MYO16: variants seen among roughly 807,000 people sequenced by gnomAD.
The protein encoded by MYO16 is myosin XVI.
Under a neutral mutation model 205.3 loss-of-function variants are expected in MYO16, and 94 were observed. The ratio of observed to expected loss-of-function variants is 0.46; its 90% CI spans 0.39 to 0.54. The LOEUF (loss-of-function observed/expected upper bound fraction) is 0.54. Ranked by LOEUF, MYO16 falls within the 20% of genes least tolerant of loss-of-function variation. The pLI is 0.00. For synonymous variants in MYO16, 988 were observed against 954.0 expected (o/e 1.04, Z -0.66); for missense variants, 2,315 against 2,387.5 (o/e 0.97, Z 0.63).
the MYO16 span, among the ~76,000 whole-genome samples, chr13:108,543,894 C>T: frequency 6.7e-6 from 1 of 149,936 alleles, no homozygotes; most frequent in Non-Finnish European, 1.5e-5. Context: ...GGAGAAACCC[C>T]CTCTCTACTA....
chr13:108,597,566 C>T (rs1475413607), intron 1 of MYO16, among the ~76,000 whole-genome samples: 1 of 152,130 alleles, frequency 6.6e-6, no homozygotes, highest in Non-Finnish European at 1.5e-5. Context: ...TTGGTAACTT[C>T]AAAAACCCTT....
chr13:108,579,903 A>G, the MYO16 span, among the ~76,000 whole-genome samples: 1 of 152,160 alleles, frequency 6.6e-6, no homozygotes, highest in Non-Finnish European at 1.5e-5. Context: ...TATTACAATG[A>G]CTGCTATTTG....
At chr13:108,948,536 C>CTG (rs1883023504) in intron 16 of MYO16, among the ~76,000 whole-genome samples, 2 of 152,222 alleles carry the variant, frequency 1.3e-5, no homozygotes, top group Admixed American at 6.5e-5. Flanking sequence ...CACCTGCACC[C>CTG]TGGAGACACA....
intron 1 of MYO16, among the ~76,000 whole-genome samples, chr13:108,602,941 GA>G (rs1463516421): frequency 6.6e-6 from 1 of 152,146 alleles, no homozygotes; most frequent in Admixed American, 6.5e-5. Context: ...CATTCCTGGA[GA>G]AAGAACCTGG....
chr13:108,673,191 A>T (rs941610752), intron 2 of MYO16, among the ~76,000 whole-genome samples: 5 of 152,236 alleles, frequency 3.3e-5, no homozygotes, highest in African/African-American at 1.2e-4. Context: ...AGTTAGAGAA[A>T]CTTATCTTCA....
chr13:108,597,419 T>G (rs192134235), intron 1 of MYO16, among the ~76,000 whole-genome samples: 1 of 152,204 alleles, frequency 6.6e-6, no homozygotes, highest in East Asian at 1.9e-4. Flanking sequence ...GTCTGAAATT[T>G]TTTTTAGATG....
In MYO16 at chr13:109,051,207, A is replaced by G. The variant is rs530391430; in HGVS notation, c.2873-1093A>G. On this transcript the variant is annotated intron_variant, in intron 24 of 34. Coordinates refer to ENST00000457511, the MANE Select transcript of MYO16 (RefSeq NM_001198950.3). The stretch of plus-strand genomic sequence containing the variant: ...GGCCCCTTTTGCATTGCATAATTGT[A>G]TCTCCTTTTCCTGACAGTTCTTCCT... Among the ~76,000 whole-genome samples the G allele has an allele frequency of 2.0e-5, 3 of 152,206 alleles. No individual in the cohort carries two copies. The East Asian group carries it at 5.8e-4, about 29-fold the overall frequency.
At chr13:108,672,695 C>G (rs1882042207) in intron 2 of MYO16, among the ~76,000 whole-genome samples, 1 of 151,974 alleles carries the variant, frequency 6.6e-6, no homozygotes, top group Admixed American at 6.6e-5. Context: ...GGAAAACTGT[C>G]CTAAATTTTC....
chr13:108,828,140 A>G (rs1244445676), intron 9 of MYO16, among the ~76,000 whole-genome samples: 2 of 152,194 alleles, frequency 1.3e-5, no homozygotes, highest in Admixed American at 1.3e-4. Context: ...CTGTTACTTA[A>G]CCATTTGATA....
chr13:108,961,081 G>A (rs756102918), intron 17 of MYO16, among the ~76,000 whole-genome samples: 19 of 152,082 alleles, frequency 1.2e-4, no homozygotes, highest in Non-Finnish European at 2.5e-4. Flanking sequence ...GAGAGATAGC[G>A]AAGAAATGAA....
At chr13:108,667,254 AT>A (rs1316317707) in intron 2 of MYO16, among the ~76,000 whole-genome samples, 2 of 147,500 alleles carry the variant, frequency 1.4e-5, no homozygotes, top group Non-Finnish European at 3.0e-5. Flanking sequence ...GACTCAAGTC[AT>A]TTTTTTCATG....
chr13:109,117,171 A>G (rs1875733366), intron 28 of MYO16, among the ~76,000 whole-genome samples: 1 of 151,696 alleles, frequency 6.6e-6, no homozygotes, highest in Non-Finnish European at 1.5e-5. Context: ...TTAAGTTTTC[A>G]TTTGTCATCT....
chr13:108,984,732 A>G (rs1378975737), intron 20 of MYO16, among the ~76,000 whole-genome samples: 1 of 152,090 alleles, frequency 6.6e-6, no homozygotes, highest in Non-Finnish European at 1.5e-5. Context: ...CTGACTCACC[A>G]TCTTCTCTGT....
the MYO16 span, among the ~76,000 whole-genome samples, chr13:108,526,005 C>T: frequency 6.7e-6 from 1 of 149,894 alleles, no homozygotes; most frequent in Non-Finnish European, 1.5e-5. Context: ...CTGGTGAATG[C>T]AGAATTAATT....
chr13:108,521,819 G>A, the MYO16 span, among the ~76,000 whole-genome samples: 1 of 152,158 alleles, frequency 6.6e-6, no homozygotes, highest in Non-Finnish European at 1.5e-5. Context: ...GAGCATTAGA[G>A]ATTTCAGAAA....
At chr13:109,136,875 T>C (rs563299596) in intron 31 of MYO16, among the ~76,000 whole-genome samples, 2 of 152,248 alleles carry the variant, frequency 1.3e-5, no homozygotes, top group African/African-American at 4.8e-5. Flanking sequence ...CAGGTACCAA[T>C]GTTTTTATGA....
intron 2 of MYO16, among the ~76,000 whole-genome samples, chr13:108,691,736 T>C (rs1382016581): frequency 6.6e-6 from 1 of 152,224 alleles, no homozygotes; most frequent in African/African-American, 2.4e-5. Context: ...TCAGTAATAC[T>C]TGTCACTTTC....
chr13:108,873,591 G>A (rs1466797527), intron 12 of MYO16, among the ~76,000 whole-genome samples: 2 of 151,872 alleles, frequency 1.3e-5, no homozygotes, highest in African/African-American at 4.8e-5. Flanking sequence ...TCCACCAACC[G>A]GGACAGGGTC....
In MYO16 at chr13:109,140,471, C is replaced by A. The variant is rs775645929; in HGVS notation, c.4259C>A (p.Pro1420Gln). The change falls in exon 32 of 35, where the codon CCG (proline) becomes CAG (glutamine). Residue 1420 changes from proline to glutamine, a missense_variant. Coordinates refer to ENST00000457511, the MANE Select transcript of MYO16 (RefSeq NM_001198950.3). This position sits in a 1 kb window ranked among gnomAD's most constrained non-coding sequence, Gnocchi z 8.0. ...GGGACTCCGCAGTGCGCGCTGCCCC[C>A]GGCGGCGCCTCCGGGTGACGAGGAC... is the stretch of plus-strand genomic sequence containing the variant. Reference protein sequence around the residue: ...TPGTPQCALPPAAPPGDEDDS... With the variant: ...TPGTPQCALPQAAPPGDEDDS... 6.5e-7 allele frequency: 1 copy of A among 1,537,742 alleles called. No homozygotes were observed. Among genetic ancestry groups the A allele is most frequent in the East Asian group, 2.5e-5 (1 of 39,616 alleles).
Sources: allele counts gnomAD v4.1 joint callset (sites outside exome capture counted in the v4.1 genomes callset), GRCh38; gene constraint gnomAD v4.1.1; non-coding constraint Gnocchi (gnomAD v3.1); transcripts MANE v1.5; gene names NCBI Gene and HGNC (gene_info 2026-07-23, HGNC 2026-07-21).